The following INPP4B variants were observed in gnomAD, a reference collection of about 807,000 sequenced individuals.
The protein encoded by INPP4B is inositol polyphosphate-4-phosphatase type II B.
A neutral mutation model predicts 122.5 loss-of-function variants in INPP4B; 55 were observed. The observed-to-expected ratio is 0.45, with a 90% confidence interval of 0.36 to 0.56. The LOEUF is 0.56. INPP4B is among the 20% of genes least tolerant of loss of function. The pLI, the probability that INPP4B is intolerant of heterozygous loss-of-function variation, is 0.00. For missense variants in INPP4B, 1,000 were observed against 1,097.7 expected (o/e 0.91, Z 1.26); for synonymous variants, 403 against 388.7 (o/e 1.04, Z -0.43).
intron 16 of INPP4B, among the ~76,000 whole-genome samples, chr4:142,161,642 T>TCACTAAATTATTTAGAGTAGA (rs1820148082): frequency 6.6e-6 from 1 of 151,908 alleles, no homozygotes; most frequent in Non-Finnish European, 1.5e-5. Context: ...TAACTAGTAG[T>TCACTAAATTATTTAGAGTAGA]CACTAAATTA....
At chr4:142,657,703 G>T (rs902675350) in intron 2 of INPP4B, among the ~76,000 whole-genome samples, 19 of 152,260 alleles carry the variant, frequency 1.2e-4, no homozygotes, top group Admixed American at 1.1e-3. Flanking sequence ...TTCAGAAGAG[G>T]TTCTTTGTGT....
intron 11 of INPP4B, among the ~76,000 whole-genome samples, chr4:142,246,638 A>T (rs1319585563): frequency 6.6e-6 from 1 of 152,182 alleles, no homozygotes; most frequent in Non-Finnish European, 1.5e-5. Context: ...ATTTTTGAAC[A>T]TTGATTTTGT....
At chr4:142,492,995 C>A (rs1822072743) in intron 2 of INPP4B, among the ~76,000 whole-genome samples, 1 of 152,230 alleles carries the variant, frequency 6.6e-6, no homozygotes, top group African/African-American at 2.4e-5. Flanking sequence ...AGCCTTGGCA[C>A]ATGGTGCCCT....
chr4:142,665,703 T>A lies in INPP4B; in HGVS notation c.-191+60136A>T, dbSNP rs185924689. 5.3e-3 allele frequency among the ~76,000 whole-genome samples: 804 copies of A among 152,102 alleles called. 9 individuals are homozygous for A. Among genetic ancestry groups the A allele is most frequent in the Middle Eastern group, 0.02 (6 of 294 alleles). On this transcript the variant is annotated intron_variant, in intron 2 of 25. Transcript: ENST00000262992. ...CCATTGAAAATATTTTCATAACCTA[T>A]GTGAAATGATAAAAAATTCAGATTT...
At chr4:142,420,005 C>G (rs1806529558) in intron 5 of INPP4B, among the ~76,000 whole-genome samples, 1 of 151,938 alleles carries the variant, frequency 6.6e-6, no homozygotes, top group African/African-American at 2.4e-5. Flanking sequence ...GACCAATGCT[C>G]TCAGTAATTA....
intron 9 of INPP4B, among the ~76,000 whole-genome samples, chr4:142,294,659 G>A (rs758827921): frequency 1.1e-4 from 16 of 151,166 alleles, no homozygotes; most frequent in Non-Finnish European, 2.1e-4. Flanking sequence ...GAGAAATAAA[G>A]GAACTCTGAT....
At chr4:142,590,605 A>T (rs1329606543) in intron 2 of INPP4B, among the ~76,000 whole-genome samples, 1 of 152,168 alleles carries the variant, frequency 6.6e-6, no homozygotes, top group Admixed American at 6.5e-5. Context: ...GATTAGCAAC[A>T]GGAGGAGGCT....
At chr4:142,787,040 T>A (rs1327727238) in intron 1 of INPP4B, among the ~76,000 whole-genome samples, 3 of 152,132 alleles carry the variant, frequency 2.0e-5, no homozygotes, top group Non-Finnish European at 2.9e-5. Flanking sequence ...TGTTGGTTAA[T>A]TATATCAAAT....
At position 142,108,096 on chromosome 4, in the gene INPP4B, C is replaced by T. The variant is rs1389881866; in HGVS notation, c.2371G>A (p.Asp791Asn). Residue 791 changes from aspartate (D) to asparagine (N), a missense_variant, in exon 23 of 26, where the codon GAT becomes AAT. Coordinates refer to ENST00000262992, the MANE Select transcript of INPP4B (RefSeq NM_001101669.3). ...YKIFMEKMPP[D>N]YISHFQEQND... ...CTTCTCTAACTCACATACTTACAAT[C>T]AGGAGGCATCTTTTCCATAAATATC... 2 of 1,464,732 alleles carry T rather than the reference C, an allele frequency of 1.4e-6. No individual in the cohort carries two copies. The highest frequency in any genetic ancestry group is 1.9e-6 in the Non-Finnish European group (2 of 1,048,094). 90.7% of individuals were successfully genotyped at this position (1,464,732 alleles called of 1,614,324 possible).
chr4:142,113,933 G>C (rs1791567672), intron 21 of INPP4B, among the ~76,000 whole-genome samples: 1 of 151,790 alleles, frequency 6.6e-6, no homozygotes, highest in African/African-American at 2.4e-5. Flanking sequence ...AACTTAAAAA[G>C]ATTCCTTGTG....
At chr4:142,755,911 G>T (rs1770441989) in intron 1 of INPP4B, among the ~76,000 whole-genome samples, 1 of 152,092 alleles carries the variant, frequency 6.6e-6, no homozygotes, top group South Asian at 2.1e-4. Context: ...AAACACCTTT[G>T]TTATTGCTCA....
chr4:142,806,848 A>AAAGAAAGAAAGAAAGG (rs1561091737), intron 1 of INPP4B, among the ~76,000 whole-genome samples: 2 of 148,616 alleles, frequency 1.3e-5, no homozygotes, highest in African/African-American at 5.2e-5. Flanking sequence ...AGAAAGAAAG[A>AAAGAAAGAAAGAAAGG]AAGGAGAAGA....
chr4:142,412,196 C>A (rs1804744741), intron 5 of INPP4B, among the ~76,000 whole-genome samples: 1 of 152,126 alleles, frequency 6.6e-6, no homozygotes, highest in Admixed American at 6.5e-5. Context: ...TCACAGTTAA[C>A]ATTCTATACC....
intron 2 of INPP4B, among the ~76,000 whole-genome samples, chr4:142,495,359 C>A (rs959504432): frequency 3.9e-5 from 6 of 151,976 alleles, no homozygotes; most frequent in African/African-American, 1.2e-4. Context: ...AACGCACACA[C>A]ACGCACACAT....
chr4:142,164,566 G>T (rs1226993124), intron 16 of INPP4B, among the ~76,000 whole-genome samples: 1 of 151,644 alleles, frequency 6.6e-6, no homozygotes, highest in African/African-American at 2.4e-5. Context: ...CAGCTAGGAG[G>T]TTACTTAACA....
At chr4:142,299,639 CTG>C (rs1473195096) in intron 9 of INPP4B, among the ~76,000 whole-genome samples, 2 of 150,688 alleles carry the variant, frequency 1.3e-5, no homozygotes, top group African/African-American at 4.9e-5. Context: ...TAACACTGTT[CTG>C]TTTTATAGTT....
intron 12 of INPP4B, among the ~76,000 whole-genome samples, chr4:142,220,401 T>C (rs1331658785): frequency 1.3e-5 from 2 of 152,236 alleles, no homozygotes; most frequent in East Asian, 3.8e-4. Flanking sequence ...ACAAAATTTT[T>C]ATTTTACTTT....
At chr4:142,463,691 T>C (rs954465128) in intron 2 of INPP4B, among the ~76,000 whole-genome samples, 1 of 152,088 alleles carries the variant, frequency 6.6e-6, no homozygotes, top group African/African-American at 2.4e-5. Context: ...ATGGGGGTGG[T>C]TACCCAGTGC....
chr4:142,609,803 T>G (rs1580493682), intron 2 of INPP4B, among the ~76,000 whole-genome samples: 1 of 152,202 alleles, frequency 6.6e-6, no homozygotes, highest in South Asian at 2.1e-4. Context: ...TCAGCCCTTT[T>G]GATACTGCTA....
Sources: gnomAD v4.1 joint callset for allele counts (sites outside exome capture counted in the v4.1 genomes callset) on GRCh38, gnomAD v4.1.1 for gene constraint, MANE v1.5 for transcripts, NCBI Gene and HGNC (gene_info 2026-07-23, HGNC 2026-07-21) for gene names.